The following PAPLN variants were observed in gnomAD, a reference collection of about 807,000 sequenced individuals.
PAPLN encodes papilin, proteoglycan like sulfated glycoprotein, also known as papilin.
Under a neutral mutation model 159.0 loss-of-function variants are expected in PAPLN, and 146 were observed. That is an observed-to-expected ratio of 0.92 (90% CI 0.80 to 1.05). The LOEUF (loss-of-function observed/expected upper bound fraction) is 1.05, where lower values mean the gene tolerates loss of function less well. Among genes scored for constraint, PAPLN ranks in the 50% least tolerant of loss-of-function variants. The pLI is 0.00. For missense variants in PAPLN, 1,720 were observed against 1,743.9 expected (o/e 0.99, Z 0.24); for synonymous variants, 734 against 702.9 (o/e 1.04, Z -0.70).
rs759393784 is a variant in PAPLN, at chr14:73,262,648, G to C, written c.2544G>C (p.Gln848His). Residue 848 changes from glutamine (Q) to histidine (H), a missense_variant, in exon 19 of 27, where the codon CAG (glutamine) becomes CAC (histidine). Coordinates refer to ENST00000644200, the MANE Select transcript of PAPLN (RefSeq NM_001365906.3). ...AGCACAGGACAGGGGCCGCGGTGCA[G>C]AGAAAGCCCTGGCCTTCTGGTGGTC... The part of the protein sequence containing the change: ...PSQHRTGAAV[Q>H]RKPWPSGGLW... 2.7e-6 allele frequency: 4 copies of C among 1,505,766 alleles called. No homozygotes were observed. Among genetic ancestry groups the C allele is most frequent in the African/African-American group, 1.4e-5 (1 of 72,262 alleles). The allele number at this position is 1,505,766 out of a possible 1,614,324, so 93.3% of individuals were successfully genotyped here. A position where few individuals can be genotyped will look rare whatever the true frequency, so the allele number is the denominator to read the frequency against.
chr14:73,253,655 G>A (rs1012761082), intron 11 of PAPLN, 99 bp from the exon 12 acceptor site: 2 of 1,144,114 alleles, frequency 1.7e-6, no homozygotes, highest in Non-Finnish European at 2.5e-6. Flanking sequence ...CTGGGGTGGG[G>A]GTCCTCAGGC....
rs1885443588 is a variant in PAPLN, at chr14:73,252,782, C to A, written c.1094+7C>A. 6 of 1,613,020 alleles carry A rather than the reference C, an allele frequency of 3.7e-6. No homozygotes were observed. Among genetic ancestry groups the A allele is most frequent in the Non-Finnish European group, 5.1e-6 (6 of 1,179,900 alleles). ...CTTGCCCGGAGACCAAGCGGTGAGA[C>A]CTTGCCAGCCCCTCTACCCATGATG... is the stretch of plus-strand genomic sequence containing the variant. On this transcript the variant is annotated splice_region_variant and intron_variant, in intron 11 of 26. Transcript: ENST00000644200.
rs1288156751 is a variant in PAPLN, at chr14:73,262,344, C to T, written c.2246-6C>T. On this transcript the variant is annotated splice_polypyrimidine_tract_variant and splice_region_variant and intron_variant, in intron 18 of 26. Transcript: ENST00000644200. The stretch of plus-strand genomic sequence containing the variant: ...CAGTGACTTATATCACACCCATGCC[C>T]TGCAGCCTACCCCGTGCGGTGCCTG... 6.2e-7 allele frequency: 1 copy of T among 1,603,920 alleles called. No individual in the cohort carries two copies.
rs530218324 is a variant in PAPLN at position 73,253,945 on chromosome 14, C to T, written c.1286C>T (p.Pro429Leu). The T allele has an allele frequency of 2.4e-5, 38 of 1,611,622 alleles. No homozygotes were observed. Among genetic ancestry groups the T allele is most frequent in the Middle Eastern group, 1.7e-4 (1 of 5,990 alleles). Residue 429 changes from proline to leucine, a missense_variant, in exon 12 of 27, where the codon CCG becomes CTG. Coordinates refer to ENST00000644200, the MANE Select transcript of PAPLN (RefSeq NM_001365906.3). ...CTGCAGCGCTGTGCAGCCTGGAGCC[C>T]GGAGCCCTGGGGAGAGGTCAGGCCC... ...CNLQRCAAWS[P>L]EPWGECSVSC...
intron 25 of PAPLN, chr14:73,268,279 C>T (rs777653467): frequency 5.5e-6 from 2 of 366,870 alleles, no homozygotes. Flanking sequence ...AAATCTGAGG[C>T]CTCCTGCTAT....
chr14:73,269,750 G>A (rs1016322214), intron 26 of PAPLN, among the ~76,000 whole-genome samples: 1 of 152,208 alleles, frequency 6.6e-6, no homozygotes, highest in Admixed American at 6.5e-5. Context: ...TACAGACCTT[G>A]GGGGAGTATG....
chr14:73,259,003 A>C lies in PAPLN; in HGVS notation c.1652A>C (p.His551Pro). 6.2e-7 allele frequency: 1 copy of C among 1,612,102 alleles called. No individual in the cohort carries two copies. The highest frequency in any genetic ancestry group is 8.5e-7 in the Non-Finnish European group (1 of 1,179,220). The part of the protein sequence containing the change: ...PQEVPSMQDV[H>P]TPASNPWMPL... ...GAGGTCCCCAGCATGCAGGATGTGC[A>C]CACCCCTGCCAGCAACCCCTGGATG... Residue 551 changes from histidine (H) to proline (P), a missense_variant, in exon 15 of 27, where the codon CAC (histidine) becomes CCC (proline). By Grantham distance (77) the His-to-Pro change is moderately conservative. Coordinates refer to ENST00000644200, the MANE Select transcript of PAPLN (RefSeq NM_001365906.3).
Position 73,262,813 on chromosome 14 carries a change from C to T in PAPLN, c.2709C>T (p.His903=). The change falls in exon 19 of 27, where the codon CAC becomes CAT. Residue 903 remains histidine (H), a synonymous_variant. Transcript: ENST00000644200. ...GDAGSPAPPF[H]SSSYRISLAG... Reference sequence around the variant, plus strand: ...CCGGATCACCAGCGCCACCCTTCCACAGCTCCTCCTACAGGTGAGGCCCAC... The same window carrying T: ...CCGGATCACCAGCGCCACCCTTCCATAGCTCCTCCTACAGGTGAGGCCCAC... The T allele has an allele frequency of 2.0e-6, 3 of 1,491,298 alleles. No homozygotes were observed. The highest frequency in any genetic ancestry group is 2.4e-5 in the Admixed American group (1 of 40,998). The allele number at this position is 1,491,298 out of a possible 1,614,324, so 92.4% of individuals were successfully genotyped here.
Position 73,272,342 on chromosome 14 carries a change from C to T in PAPLN, c.3668-153C>T, listed in dbSNP as rs3087637. ...ATCATCATCCCTCATAGAGTTTGTA[C>T]GTATGGTTAAAAGGTTACAGGGTAA... On this transcript the variant is annotated intron_variant, in intron 26 of 26. Transcript: ENST00000644200. The T allele has an allele frequency of 5.7e-5, 36 of 630,948 alleles. No individual in the cohort carries two copies. In the Middle Eastern group the frequency reaches 1.4e-3, roughly 25 times the overall value. 39.1% of individuals were successfully genotyped at this position (630,948 alleles called of 1,614,324 possible).
At chr14:73,237,934 C>T (rs572831918) in intron 1 of PAPLN, among the ~76,000 whole-genome samples, 5 of 152,304 alleles carry the variant, frequency 3.3e-5, no homozygotes, top group African/African-American at 1.2e-4. Flanking sequence ...CCGTGCGCCC[C>T]TCCCGGGAGG....
chr14:73,259,900 C>T (rs1335578973), intron 16 of PAPLN, among the ~76,000 whole-genome samples: 2 of 152,192 alleles, frequency 1.3e-5, no homozygotes, highest in African/African-American at 4.8e-5. Flanking sequence ...GGCCAACCAA[C>T]TCCTCACAAT....
intron 1 of PAPLN, 27 bp downstream of exon 1, chr14:73,237,619 C>G (rs949211306): frequency 2.1e-4 from 32 of 152,208 alleles, no homozygotes; most frequent in African/African-American, 7.7e-4. Context: ...ACTGGAAGCC[C>G]CCGGGCGCCC....
intron 17 of PAPLN, 112 bp from the exon 18 acceptor site, chr14:73,261,044 C>T (rs1886519271): frequency 6.4e-7 from 1 of 1,566,160 alleles, no homozygotes; most frequent in Non-Finnish European, 8.7e-7. Flanking sequence ...TCTGGTCTCC[C>T]CTGGGCTGGG....
Position 73,262,369 on chromosome 14 carries a change from G to A in PAPLN, c.2265G>A (p.Leu755=). ...CTGCAGCCTACCCCGTGCGGTGCCTGCTGCCCAGTGCCCATGGCTCTTGCG... is the reference window on the plus strand; with the variant it reads ...CTGCAGCCTACCCCGTGCGGTGCCTACTGCCCAGTGCCCATGGCTCTTGCG... ...QPSHAYPVRC[L]LPSAHGSCAD... The change falls in exon 19 of 27, where the codon CTG becomes CTA. Residue 755 remains leucine, a synonymous_variant. Coordinates refer to ENST00000644200, the MANE Select transcript of PAPLN (RefSeq NM_001365906.3). The A allele has an allele frequency of 6.2e-7, 1 of 1,613,060 alleles. No homozygotes were observed.
intron 20 of PAPLN, 167 bp from the exon 21 acceptor site, chr14:73,264,044 G>GGT: frequency 2.0e-6 from 3 of 1,537,846 alleles, no homozygotes; most frequent in Non-Finnish European, 1.7e-6. Flanking sequence ...TCCGCTGACA[G>GGT]GTGTGTGTGA....
intron 14 of PAPLN, among the ~76,000 whole-genome samples, chr14:73,258,483 G>A (rs1367008765): frequency 6.6e-6 from 1 of 151,934 alleles, no homozygotes; most frequent in East Asian, 1.9e-4. Context: ...TGCTGAACAT[G>A]TAAGATTAGC....
intron 26 of PAPLN, among the ~76,000 whole-genome samples, chr14:73,269,995 A>T (rs1440024549): frequency 1.3e-5 from 2 of 152,072 alleles, no homozygotes; most frequent in Non-Finnish European, 2.9e-5. Flanking sequence ...CTCTTTAGAG[A>T]TCGCCTCCCC....
At position 73,253,958 on chromosome 14, in the gene PAPLN, AGAG is replaced by A; in HGVS notation, c.1301_1302+1del. ...CAGCCTGGAGCCCGGAGCCCTGGGG[AGAG>A]GTCAGGCCCCTGGCCCGCATGGGGC... is the stretch of plus-strand genomic sequence containing the variant. On this transcript the variant is annotated inframe_deletion and splice_region_variant, in exon 12 of 27. Coordinates refer to ENST00000644200, the MANE Select transcript of PAPLN (RefSeq NM_001365906.3). 2.5e-6 allele frequency: 4 copies of A among 1,609,858 alleles called. No homozygotes were observed. Among genetic ancestry groups the A allele is most frequent in the Non-Finnish European group, 3.4e-6 (4 of 1,179,128 alleles).
chr14:73,254,047 C>A, intron 12 of PAPLN, 86 bp downstream of exon 12: 1 of 1,426,990 alleles, frequency 7.0e-7, no homozygotes, highest in South Asian at 1.3e-5. Context: ...CTGTGGAAAC[C>A]GAGGTCCTGG....
Sources: allele counts gnomAD v4.1 joint callset (sites outside exome capture counted in the v4.1 genomes callset), GRCh38; gene constraint gnomAD v4.1.1; transcripts MANE v1.5; gene names NCBI Gene and HGNC (gene_info 2026-07-23, HGNC 2026-07-21).